Variants in ADAMTS18 observed in about 807,000 individuals in gnomAD.
The protein encoded by ADAMTS18 is ADAM metallopeptidase with thrombospondin type 1 motif 18, also known as A disintegrin and metalloproteinase with thrombospondin motifs 18.
A neutral mutation model predicts 165.9 loss-of-function variants in ADAMTS18; 157 were observed. That is an observed-to-expected ratio of 0.95 (90% CI 0.83 to 1.08). ADAMTS18 has a LOEUF of 1.08. Among genes scored for constraint, ADAMTS18 ranks in the 50% least tolerant of loss-of-function variants. The pLI, the probability that ADAMTS18 is intolerant of heterozygous loss-of-function variation, is 0.00. For missense variants in ADAMTS18, 2,040 were observed against 1,534.0 expected, an observed-to-expected ratio of 1.33 and a Z score of -5.51; for synonymous variants, 782 against 578.2, an observed-to-expected ratio of 1.35 and a Z score of -5.06.
Position 77,431,520 on chromosome 16 carries a change from C to T in ADAMTS18, c.270G>A (p.Ala90=), listed in dbSNP as rs142460481. ...AGTGCAGGGAGCTTCTGGCATTCTG[C>T]GCCGATCGCTTTTTCCTGCCGTTGT... ...ILHNGRKKRS[A]QNARSSLHYR... The change falls in exon 3 of 23, where the codon GCG becomes GCA. Residue 90 remains alanine, a synonymous_variant. Coordinates refer to ENST00000282849, the MANE Select transcript of ADAMTS18 (RefSeq NM_199355.4). 264 of 1,614,166 alleles carry T rather than the reference C, an allele frequency of 1.6e-4. No homozygotes were observed. In the African/African-American group the frequency reaches 3.3e-3, roughly 20 times the overall value.
intron 3 of ADAMTS18, among the ~76,000 whole-genome samples, chr16:77,424,429 T>C (rs1001230315): frequency 2.0e-5 from 3 of 151,360 alleles, no homozygotes; most frequent in Admixed American, 1.3e-4. Context: ...GATCATGCCA[T>C]TGCACTCCAG....
chr16:77,415,152 G>T (rs2057513795), intron 3 of ADAMTS18, among the ~76,000 whole-genome samples: 1 of 152,208 alleles, frequency 6.6e-6, no homozygotes, highest in South Asian at 2.1e-4. Context: ...AATAAATGTT[G>T]ATTCATGAAG....
chr16:77,290,584 C>G (rs2055343210), intron 21 of ADAMTS18: 1 of 154,868 alleles, frequency 6.5e-6, no homozygotes, highest in South Asian at 2.0e-4. Context: ...TCTACCCGGA[C>G]TCTGTGATTA....
chr16:77,412,536 T>G (rs1325698474), intron 3 of ADAMTS18, among the ~76,000 whole-genome samples: 1 of 152,150 alleles, frequency 6.6e-6, no homozygotes, highest in Non-Finnish European at 1.5e-5. Context: ...ATTAGTCTGT[T>G]TTCATTTTGC....
intron 3 of ADAMTS18, among the ~76,000 whole-genome samples, chr16:77,392,431 C>T (rs866875912): frequency 6.6e-6 from 1 of 152,152 alleles, no homozygotes; most frequent in South Asian, 2.1e-4. Flanking sequence ...GCCCTAAACA[C>T]TTCTCCCCAT....
chr16:77,322,727 C>G (rs1252542310), intron 13 of ADAMTS18, among the ~76,000 whole-genome samples: 1 of 152,120 alleles, frequency 6.6e-6, no homozygotes, highest in Non-Finnish European at 1.5e-5. Flanking sequence ...TACACATGAT[C>G]GATGGGTTAC....
At chr16:77,292,315 C>A (rs1241243725) in intron 20 of ADAMTS18, among the ~76,000 whole-genome samples, 1 of 152,092 alleles carries the variant, frequency 6.6e-6, no homozygotes, top group African/African-American at 2.4e-5. Flanking sequence ...ATTTACTCCC[C>A]AGTATTTGTG....
chr16:77,309,031 C>G (rs1408341130), intron 16 of ADAMTS18, among the ~76,000 whole-genome samples: 1 of 152,162 alleles, frequency 6.6e-6, no homozygotes, highest in African/African-American at 2.4e-5. Flanking sequence ...TTCTGGATGA[C>G]TAACAAGTAC....
At chr16:77,344,521 A>C (rs2056447193) in intron 10 of ADAMTS18, among the ~76,000 whole-genome samples, 2 of 152,136 alleles carry the variant, frequency 1.3e-5, no homozygotes, top group Admixed American at 6.6e-5. Context: ...GAGAGATAGC[A>C]CTGAAATGAT....
chr16:77,400,799 A>G (rs1467667091), intron 3 of ADAMTS18, among the ~76,000 whole-genome samples: 2 of 151,930 alleles, frequency 1.3e-5, no homozygotes, highest in African/African-American at 4.8e-5. Context: ...TTATGGCAGA[A>G]TTTAACTCAC....
chr16:77,398,812 T>G (rs894805040), intron 3 of ADAMTS18, among the ~76,000 whole-genome samples: 5 of 152,172 alleles, frequency 3.3e-5, no homozygotes, highest in Non-Finnish European at 5.9e-5. Context: ...CTGTTGTAGG[T>G]AGAAAACAGA....
intron 12 of ADAMTS18, among the ~76,000 whole-genome samples, chr16:77,328,168 C>A (rs1304754329): frequency 6.6e-6 from 1 of 151,924 alleles, no homozygotes; most frequent in African/African-American, 2.4e-5. Context: ...TTCTAATCTG[C>A]AAAAACCAGA....
chr16:77,364,857 G>A (rs572866996), intron 4 of ADAMTS18, among the ~76,000 whole-genome samples: 193 of 152,188 alleles, frequency 1.3e-3, no homozygotes, highest in Middle Eastern at 3.4e-3. Flanking sequence ...CGTAATCCCA[G>A]CAATTTGAGA....
chr16:77,432,268 T>G (rs1490446076), intron 2 of ADAMTS18: 1 of 152,832 alleles, frequency 6.5e-6, no homozygotes, highest in African/African-American at 2.4e-5. Context: ...TCCCATTTAA[T>G]TGTAAGCATA....
chr16:77,361,425 T>C (rs1166702684), intron 7 of ADAMTS18, among the ~76,000 whole-genome samples: 1 of 152,196 alleles, frequency 6.6e-6, no homozygotes, highest in Admixed American at 6.5e-5. Context: ...GTCAAGTAAC[T>C]TCTAAAAAAG....
chr16:77,356,680 T>C (rs1015269336), intron 8 of ADAMTS18, among the ~76,000 whole-genome samples: 2 of 152,324 alleles, frequency 1.3e-5, no homozygotes, highest in African/African-American at 4.8e-5. Flanking sequence ...ATCTTGACCA[T>C]TACTGTTATC....
At chr16:77,402,824 C>G (rs1353273862) in intron 3 of ADAMTS18, among the ~76,000 whole-genome samples, 1 of 152,160 alleles carries the variant, frequency 6.6e-6, no homozygotes, top group Non-Finnish European at 1.5e-5. Flanking sequence ...GTACCTGGCT[C>G]AAGACCAAGA....
chr16:77,307,319 G>T (rs575816772), intron 16 of ADAMTS18, among the ~76,000 whole-genome samples: 1 of 152,194 alleles, frequency 6.6e-6, no homozygotes, highest in African/African-American at 2.4e-5. Flanking sequence ...CATTTTCTTT[G>T]ACTTATTTGC....
intron 3 of ADAMTS18, among the ~76,000 whole-genome samples, chr16:77,406,791 CA>C (rs928810005): frequency 7.9e-5 from 12 of 151,740 alleles, no homozygotes; most frequent in African/African-American, 2.9e-4. Flanking sequence ...ATTTTTTTTG[CA>C]GCAACATGAA....
Sources: allele counts gnomAD v4.1 joint callset (sites outside exome capture counted in the v4.1 genomes callset), GRCh38; gene constraint gnomAD v4.1.1; transcripts MANE v1.5; gene names NCBI Gene and HGNC (gene_info 2026-07-23, HGNC 2026-07-21).